NTN1: variants seen among roughly 807,000 people sequenced by gnomAD.
The protein encoded by NTN1 is netrin-1.
In NTN1, 11 loss-of-function variants were observed where a neutral mutation model predicts 54.2. That is an observed-to-expected ratio of 0.20 (90% CI 0.13 to 0.34). The LOEUF is 0.34. NTN1 is among the 10% of genes least tolerant of loss of function. NTN1 has a pLI of 1.00. For synonymous variants in NTN1, 371 were observed against 382.0 expected (o/e 0.97, Z 0.33); for missense variants, 740 against 893.1 (o/e 0.83, Z 2.18).
chr17:9,142,957 A>C (rs1470874268), intron 2 of NTN1, among the ~76,000 whole-genome samples: 1 of 152,232 alleles, frequency 6.6e-6, no homozygotes, highest in Admixed American at 6.5e-5. Context: ...TCTAAAAGGT[A>C]ATGTGCAGTG....
At chr17:9,128,709 C>G (rs1393480948) in intron 2 of NTN1, among the ~76,000 whole-genome samples, 1 of 152,150 alleles carries the variant, frequency 6.6e-6, no homozygotes, top group Non-Finnish European at 1.5e-5. Flanking sequence ...CGAGGGAGAC[C>G]CTTTGCCAAT....
chr17:9,166,370 C>T (rs2092373426), intron 3 of NTN1, among the ~76,000 whole-genome samples: 1 of 121,260 alleles, frequency 8.2e-6, no homozygotes, highest in African/African-American at 3.2e-5. Context: ...GAGATGGAGT[C>T]TCACTCTGTT....
In NTN1 at chr17:9,219,146, G is replaced by A. The variant is rs906523384; in HGVS notation, c.1412-2022G>A. Among the ~76,000 whole-genome samples the A allele has an allele frequency of 6.6e-6, 1 of 152,220 alleles. No individual in the cohort carries two copies. Among genetic ancestry groups the A allele is most frequent in the Non-Finnish European group, 1.5e-5 (1 of 68,038 alleles). ...AGCTGGCAAAGATGTGGCCCAGAGC[G>A]GCTGTTCCTCACAGGGAAGTGCGGC... On this transcript the variant is annotated intron_variant, in intron 5 of 6. Transcript: ENST00000173229. The surrounding 1 kb of genome is among the most constrained non-coding windows in gnomAD (Gnocchi z 4.5).
chr17:9,227,871 C>CA (rs1491354115), intron 6 of NTN1, among the ~76,000 whole-genome samples: 2 of 151,780 alleles, frequency 1.3e-5, no homozygotes, highest in Admixed American at 1.3e-4. Flanking sequence ...CCATCACACA[C>CA]CCCATCACAC....
chr17:9,095,832 C>T (rs1386001726), intron 2 of NTN1, among the ~76,000 whole-genome samples: 2 of 151,946 alleles, frequency 1.3e-5, no homozygotes, highest in Admixed American at 1.3e-4. Context: ...TGGAGTCTCA[C>T]TCTGTCACCC....
chr17:9,232,075 G>A (rs2142371622), intron 6 of NTN1, among the ~76,000 whole-genome samples: 1 of 152,274 alleles, frequency 6.6e-6, no homozygotes, highest in African/African-American at 2.4e-5. Flanking sequence ...CGGGGGAGGG[G>A]AGCACTGTCC....
the NTN1 span, among the ~76,000 whole-genome samples, chr17:9,013,460 C>T: frequency 2.0e-5 from 3 of 152,166 alleles, no homozygotes; most frequent in East Asian, 5.8e-4. Context: ...AGGTGATCTG[C>T]CCTCCTCGGC....
chr17:9,130,830 A>G (rs1297227637), intron 2 of NTN1, among the ~76,000 whole-genome samples: 1 of 151,922 alleles, frequency 6.6e-6, no homozygotes, highest in Non-Finnish European at 1.5e-5. Flanking sequence ...CCACCTTGCA[A>G]CGCCTGGTGG....
intron 2 of NTN1, among the ~76,000 whole-genome samples, chr17:9,133,147 C>T (rs2092270904): frequency 6.6e-6 from 1 of 152,192 alleles, no homozygotes; most frequent in Non-Finnish European, 1.5e-5. Flanking sequence ...TCTAGTCCTT[C>T]TCCTTTCCCT....
At chr17:9,169,779 C>T (rs1490066703) in intron 3 of NTN1, among the ~76,000 whole-genome samples, 37 of 152,172 alleles carry the variant, frequency 2.4e-4, no homozygotes, top group Non-Finnish European at 1.6e-4. Context: ...GCAGGAGAAT[C>T]GCTTGAGCCT....
intron 3 of NTN1, among the ~76,000 whole-genome samples, chr17:9,169,469 T>G (rs1279283793): frequency 2.0e-5 from 3 of 152,228 alleles, no homozygotes; most frequent in East Asian, 3.9e-4. Context: ...CCAGCTGTGC[T>G]CATTCCCTGG....
chr17:9,158,864 C>T (rs1011775687), intron 2 of NTN1, among the ~76,000 whole-genome samples: 2 of 152,194 alleles, frequency 1.3e-5, no homozygotes, highest in African/African-American at 4.8e-5. Context: ...GGACTCATCC[C>T]CTGGTCTAAT....
rs574514650 is a variant in NTN1 at position 9,109,928 on chromosome 17, A to G, written c.1019-52885A>G. Among the ~76,000 whole-genome samples the G allele has an allele frequency of 5.9e-5, 9 of 152,306 alleles. No individual in the cohort carries two copies. In the East Asian group the frequency reaches 1.7e-3, roughly 29 times the overall value. On this transcript the variant is annotated intron_variant, in intron 2 of 6. Transcript: ENST00000173229. ...TTAGGTTTCCTTTGCTGTGACATGC[A>G]TATTCATAGCTAGTGTGTGTCTTTT...
chr17:9,158,083 A>G (rs2092348241), intron 2 of NTN1, among the ~76,000 whole-genome samples: 1 of 152,188 alleles, frequency 6.6e-6, no homozygotes, highest in African/African-American at 2.4e-5. Flanking sequence ...GAGAAAAGAA[A>G]ACAAGCTGTA....
intron 6 of NTN1, among the ~76,000 whole-genome samples, chr17:9,234,021 G>A (rs552852061): frequency 5.0e-4 from 76 of 152,278 alleles, no homozygotes; most frequent in African/African-American, 1.6e-3. Context: ...TCCACACTGC[G>A]GCAGGCTGCC....
At chr17:9,046,327 C>A (rs762842156) in intron 2 of NTN1, among the ~76,000 whole-genome samples, 4 of 152,164 alleles carry the variant, frequency 2.6e-5, no homozygotes, top group Non-Finnish European at 4.4e-5. Context: ...AACTATAAAT[C>A]AAAACCACAA....
At chr17:9,136,742 T>A (rs2092282708) in intron 2 of NTN1, among the ~76,000 whole-genome samples, 3 of 152,188 alleles carry the variant, frequency 2.0e-5, no homozygotes, top group Admixed American at 2.0e-4. Flanking sequence ...TATGAATTCC[T>A]CCTCCCTGCC....
At chr17:9,201,283 C>G (rs577069905) in intron 5 of NTN1, among the ~76,000 whole-genome samples, 2 of 152,290 alleles carry the variant, frequency 1.3e-5, no homozygotes, top group East Asian at 3.9e-4. Context: ...AGGCAGAAAT[C>G]TCTGTGCTCT....
intron 2 of NTN1, among the ~76,000 whole-genome samples, chr17:9,027,976 T>G (rs1184387762): frequency 1.3e-5 from 2 of 151,986 alleles, no homozygotes; most frequent in African/African-American, 4.8e-5. Flanking sequence ...ATACAAAAAA[T>G]TAGCTGGGCA....
Sources: gnomAD v4.1 joint callset for allele counts (sites outside exome capture counted in the v4.1 genomes callset) on GRCh38, gnomAD v4.1.1 for gene constraint, Gnocchi (gnomAD v3.1) non-coding constraint, MANE v1.5 for transcripts, NCBI Gene and HGNC (gene_info 2026-07-23, HGNC 2026-07-21) for gene names.